CSDE1: variants seen among roughly 807,000 people sequenced by gnomAD.
The protein encoded by CSDE1 is cold shock domain containing E1, also known as cold shock domain-containing protein E1.
A neutral mutation model predicts 89.3 loss-of-function variants in CSDE1; 17 were observed. The ratio of observed to expected loss-of-function variants is 0.19; its 90% confidence interval spans 0.13 to 0.29. CSDE1 has a LOEUF of 0.29. Ranked by LOEUF, CSDE1 falls within the 10% of genes least tolerant of loss-of-function variation. The probability of loss-of-function intolerance (pLI) is 1.00; values close to 1 mark genes in which losing one functional copy is unlikely to be tolerated. For synonymous variants in CSDE1, 322 were observed against 332.8 expected (o/e 0.97, Z 0.35); for missense variants, 672 against 984.2 (o/e 0.68, Z 4.24).
At position 114,730,307 on chromosome 1, in the gene CSDE1, G is replaced by A. The variant is rs1660031467; in HGVS notation, c.1307C>T (p.Ala436Val). ...HRFLGTVEKE[A>V]TFSNPKTTSP... is the part of the protein sequence containing the mutation. Reference sequence around the variant, plus strand: ...AGTGGTTTTAGGATTGGAAAAAGTGGCTTCTTTTTCTACCGTGCCCAGAAA... The same window carrying A: ...AGTGGTTTTAGGATTGGAAAAAGTGACTTCTTTTTCTACCGTGCCCAGAAA... The change falls in exon 12 of 20, where the codon GCC becomes GTC. Residue 436 changes from alanine to valine, a missense_variant. Ala to Val is a moderately conservative substitution (Grantham distance 64, BLOSUM62 0). Transcript: ENST00000358528. 3 of 1,613,936 alleles carry A rather than the reference G, an allele frequency of 1.9e-6. No homozygotes were observed.
intron 2 of CSDE1, among the ~76,000 whole-genome samples, chr1:114,743,340 C>T (rs183272001): frequency 6.6e-6 from 1 of 152,156 alleles, no homozygotes; most frequent in East Asian, 1.9e-4. Flanking sequence ...TACAGGTGTG[C>T]GCCACCAAAC....
At chr1:114,744,628 C>T (rs1281044533) in intron 2 of CSDE1, among the ~76,000 whole-genome samples, 1 of 151,964 alleles carries the variant, frequency 6.6e-6, no homozygotes, top group African/African-American at 2.4e-5. Context: ...AACATACACA[C>T]ACACCCCCAT....
intron 10 of CSDE1, among the ~76,000 whole-genome samples, chr1:114,731,718 T>C (rs1660110189): frequency 6.6e-6 from 1 of 152,244 alleles, no homozygotes; most frequent in South Asian, 2.1e-4. Context: ...TTTTTGACTC[T>C]GGTTTAATTG....
intron 3 of CSDE1, 78 bp from the exon 4 acceptor site, chr1:114,738,150 T>G (rs745925798): frequency 7.2e-6 from 8 of 1,115,162 alleles, no homozygotes; most frequent in Non-Finnish European, 8.2e-6. Flanking sequence ...ATACTTAACA[T>G]AGCATTTGAA....
At chr1:114,727,123 C>G in intron 12 of CSDE1, 33 bp from the exon 13 acceptor site, 1 of 1,468,330 alleles carries the variant, frequency 6.8e-7, no homozygotes, top group Non-Finnish European at 9.5e-7. Flanking sequence ...AGAATGAAAA[C>G]AATCTCAAGA....
chr1:114,718,061 T>G lies in CSDE1; in HGVS notation c.*108A>C. ...AAACTGGTGTAATAGCTCAATAGAA[T>G]AAGTATTCCAGATTTCGGGAGGGAT... On this transcript the variant is annotated 3_prime_UTR_variant, in exon 20 of 20. Transcript: ENST00000358528. 2.8e-6 allele frequency: 3 copies of G among 1,084,890 alleles called. No homozygotes were observed. The highest frequency in any genetic ancestry group is 4.2e-6 in the Non-Finnish European group (3 of 708,448). The allele number at this position is 1,084,890 out of a possible 1,614,324, so 67.2% of individuals were successfully genotyped here. A position where few individuals can be genotyped will look rare whatever the true frequency, so the allele number is the denominator to read the frequency against.
At chr1:114,737,597 A>G (rs775727743) in intron 4 of CSDE1, 34 bp from the exon 5 acceptor site, 1 of 1,516,556 alleles carries the variant, frequency 6.6e-7, no homozygotes, top group Non-Finnish European at 9.2e-7. Flanking sequence ...TTCCATTGCT[A>G]ATCATTTCAG....
At chr1:114,724,362 T>C (rs919827758) in intron 15 of CSDE1, 1 of 205,902 alleles carries the variant, frequency 4.9e-6, no homozygotes. Context: ...AATACTTACA[T>C]ACTGTCCTGA....
chr1:114,728,989 T>G (rs1219323882), intron 12 of CSDE1, among the ~76,000 whole-genome samples: 2 of 152,178 alleles, frequency 1.3e-5, no homozygotes, highest in African/African-American at 2.4e-5. Context: ...CTTTTCATCT[T>G]TTGTCTTTCT....
At chr1:114,755,498 A>C (rs937903102) in intron 1 of CSDE1, among the ~76,000 whole-genome samples, 3 of 152,246 alleles carry the variant, frequency 2.0e-5, no homozygotes, top group African/African-American at 7.2e-5. Context: ...ATAAAAGGAC[A>C]TTAAAATATT....
chr1:114,720,071 A>C (rs1659429518), intron 17 of CSDE1: 1 of 260,786 alleles, frequency 3.8e-6, no homozygotes, highest in Admixed American at 5.1e-5. Flanking sequence ...GCTGGGTTAT[A>C]GTAGCAGCCA....
At chr1:114,722,043 G>A (rs1393284189) in intron 16 of CSDE1, among the ~76,000 whole-genome samples, 3 of 151,824 alleles carry the variant, frequency 2.0e-5, no homozygotes, top group African/African-American at 4.8e-5. Context: ...CATGATACCT[G>A]GCTAATTTTT....
chr1:114,745,268 T>C lies in CSDE1; in HGVS notation c.-1+4553A>G, dbSNP rs1660954260. Among the ~76,000 whole-genome samples the C allele has an allele frequency of 2.0e-5, 3 of 152,198 alleles. No homozygotes were observed. In the South Asian group the frequency reaches 6.2e-4, roughly 31 times the overall value. ...AATCTGAAATGTGAAAAAAGCTTTA[T>C]ACACAAGTATTTTAACAAATATATT... On this transcript the variant is annotated intron_variant, in intron 2 of 19. Transcript: ENST00000358528.
intron 2 of CSDE1, among the ~76,000 whole-genome samples, chr1:114,747,677 G>A (rs1227566579): frequency 1.3e-5 from 2 of 152,076 alleles, no homozygotes; most frequent in South Asian, 4.2e-4. Context: ...GGCCAACACG[G>A]TGAAACCCCG....
At chr1:114,743,203 T>C (rs1271828234) in intron 2 of CSDE1, among the ~76,000 whole-genome samples, 1 of 152,160 alleles carries the variant, frequency 6.6e-6, no homozygotes, top group Non-Finnish European at 1.5e-5. Flanking sequence ...GCTGAATTAA[T>C]TTATTTTTGA....
chr1:114,724,994 C>T (rs1261992427), intron 15 of CSDE1, among the ~76,000 whole-genome samples: 2 of 152,012 alleles, frequency 1.3e-5, no homozygotes, highest in African/African-American at 4.8e-5. Flanking sequence ...ACCAGAATCA[C>T]CTAAAGGATT....
chr1:114,733,864 C>A lies in CSDE1; in HGVS notation c.712-7G>T. On this transcript the variant is annotated splice_region_variant and splice_polypyrimidine_tract_variant and intron_variant, in intron 8 of 19. Transcript: ENST00000358528. ...CTGTTGCAACTTCTTTACCCTAAAT[C>A]AGAAGGGGTTGGAGGTGGTGGGGGG... The A allele has an allele frequency of 6.2e-7, 1 of 1,613,628 alleles. No homozygotes were observed. Among genetic ancestry groups the A allele is most frequent in the Non-Finnish European group, 8.5e-7 (1 of 1,179,906 alleles).
chr1:114,727,477 TCC>T (rs926956478), intron 12 of CSDE1, among the ~76,000 whole-genome samples: 3 of 152,182 alleles, frequency 2.0e-5, no homozygotes, highest in Non-Finnish European at 4.4e-5. Context: ...TGCTGAAGTA[TCC>T]TCTTTTAGTA....
intron 1 of CSDE1, among the ~76,000 whole-genome samples, chr1:114,754,566 C>T (rs1247167362): frequency 6.6e-6 from 1 of 152,192 alleles, no homozygotes; most frequent in Non-Finnish European, 1.5e-5. Context: ...CAGGAAAAAA[C>T]AAAGACCCAA....
Sources: gnomAD v4.1 joint callset for allele counts (sites outside exome capture counted in the v4.1 genomes callset) on GRCh38, gnomAD v4.1.1 for gene constraint, MANE v1.5 for transcripts, NCBI Gene and HGNC (gene_info 2026-07-23, HGNC 2026-07-21) for gene names.